The following ZNF569 variants were observed in gnomAD, a reference collection of about 807,000 sequenced individuals.
ZNF569 encodes the protein zinc finger protein 569, also known as DNA-binding protein.
A neutral mutation model predicts 56.3 loss-of-function variants in ZNF569; 38 were observed. The ratio of observed to expected loss-of-function variants is 0.68; its 90% CI spans 0.52 to 0.88. The LOEUF (loss-of-function observed/expected upper bound fraction) is 0.88, where lower values mean the gene tolerates loss of function less well. Ranked by LOEUF, ZNF569 falls within the 40% of genes least tolerant of loss-of-function variation. ZNF569 has a pLI of 0.00. For synonymous variants in ZNF569, 241 were observed against 262.9 expected, an observed-to-expected ratio of 0.92 and a Z score of 0.81; for missense variants, 666 against 809.2, an observed-to-expected ratio of 0.82 and a Z score of 2.15.
intron 5 of ZNF569, among the ~76,000 whole-genome samples, chr19:37,421,062 G>A (rs901554601): frequency 6.6e-6 from 1 of 152,108 alleles, no homozygotes; most frequent in Non-Finnish European, 1.5e-5. Flanking sequence ...TTTTTCTCGT[G>A]AGCAGTAGGT....
intron 3 of ZNF569, 62 bp downstream of exon 3, chr19:37,444,845 G>T: frequency 1.5e-6 from 2 of 1,318,408 alleles, no homozygotes; most frequent in Non-Finnish European, 2.2e-6. Context: ...ATGAATTACT[G>T]CAATCCCCTT....
intron 2 of ZNF569, among the ~76,000 whole-genome samples, chr19:37,460,410 T>C (rs1406622107): frequency 6.6e-6 from 1 of 152,186 alleles, no homozygotes; most frequent in Non-Finnish European, 1.5e-5. Context: ...CCCAAAGTGC[T>C]GGGATTACAC....
intron 2 of ZNF569, among the ~76,000 whole-genome samples, chr19:37,451,429 A>G (rs1287634355): frequency 1.3e-5 from 2 of 150,256 alleles, no homozygotes; most frequent in African/African-American, 2.4e-5. Context: ...AGTTCTGTAT[A>G]TGTCTCTCAG....
At chr19:37,454,874 A>G in intron 2 of ZNF569, 1 of 702,612 alleles carries the variant, frequency 1.4e-6, no homozygotes, top group Non-Finnish European at 2.6e-6. Context: ...CCAGGTAAGT[A>G]AAGCTTGAGT....
intron 3 of ZNF569, among the ~76,000 whole-genome samples, chr19:37,442,527 C>T (rs1020671276): frequency 2.6e-5 from 4 of 152,094 alleles, no homozygotes; most frequent in Non-Finnish European, 5.9e-5. Flanking sequence ...AGGAAAGACA[C>T]TAGATGGTAT....
chr19:37,431,321 G>C (rs1051130894), intron 3 of ZNF569, among the ~76,000 whole-genome samples: 5 of 152,120 alleles, frequency 3.3e-5, no homozygotes, highest in Non-Finnish European at 5.9e-5. Context: ...AGAAGGAAGA[G>C]TAAAGAGGAC....
intron 3 of ZNF569, among the ~76,000 whole-genome samples, chr19:37,429,574 G>A (rs1169342835): frequency 1.3e-5 from 2 of 152,208 alleles, no homozygotes; most frequent in Non-Finnish European, 2.9e-5. Context: ...GATGGTGCTC[G>A]AATCCTCTTT....
chr19:37,429,414 C>G, intron 3 of ZNF569, among the ~76,000 whole-genome samples: 1 of 152,210 alleles, frequency 6.6e-6, no homozygotes, highest in East Asian at 1.9e-4. Context: ...AGCTACAGGA[C>G]CAGCCTTGAA....
chr19:37,435,000 C>T (rs887870987), intron 3 of ZNF569, among the ~76,000 whole-genome samples: 2 of 152,146 alleles, frequency 1.3e-5, no homozygotes, highest in Admixed American at 6.5e-5. Context: ...TCTCTTCACA[C>T]GTGCGCGTGT....
intron 3 of ZNF569, among the ~76,000 whole-genome samples, chr19:37,441,103 G>T (rs1434927864): frequency 6.6e-6 from 1 of 152,112 alleles, no homozygotes; most frequent in Non-Finnish European, 1.5e-5. Context: ...ATTGAAAAAG[G>T]AAAGACAGAG....
At chr19:37,422,950 A>G (rs967533649) in intron 5 of ZNF569, among the ~76,000 whole-genome samples, 1 of 152,208 alleles carries the variant, frequency 6.6e-6, no homozygotes, top group Non-Finnish European at 1.5e-5. Flanking sequence ...ATAGGAAAAC[A>G]AGCAACTGTT....
At chr19:37,427,054 A>C (rs919309321) in intron 3 of ZNF569, among the ~76,000 whole-genome samples, 2 of 152,236 alleles carry the variant, frequency 1.3e-5, no homozygotes, top group African/African-American at 4.8e-5. Context: ...TACATGGCTC[A>C]TGCCTGTAAT....
chr19:37,437,188 A>G lies in ZNF569; in HGVS notation c.15+7719T>C, dbSNP rs1407752886. Among the ~76,000 whole-genome samples the G allele has an allele frequency of 3.3e-5, 5 of 152,204 alleles. No homozygotes were observed. The East Asian group carries it at 9.6e-4, about 29-fold the overall frequency. On this transcript the variant is annotated intron_variant, in intron 3 of 5. Coordinates refer to ENST00000316950, the MANE Select transcript of ZNF569 (RefSeq NM_152484.3). ...AAGGACGGTTAAACATGCGCAAATG[A>G]ATCAATGTGATATATCAGATCAAGA...
intron 2 of ZNF569, among the ~76,000 whole-genome samples, chr19:37,450,744 T>C (rs2041578602): frequency 6.6e-6 from 1 of 152,204 alleles, no homozygotes; most frequent in South Asian, 2.1e-4. Flanking sequence ...TTTCTTCTTT[T>C]ATCAGGTAAG....
chr19:37,464,382 G>C (rs1052721727), intron 2 of ZNF569, among the ~76,000 whole-genome samples: 2 of 152,078 alleles, frequency 1.3e-5, no homozygotes, highest in African/African-American at 2.4e-5. Flanking sequence ...GTAGAGATGG[G>C]GTTTCACCGT....
intron 2 of ZNF569, among the ~76,000 whole-genome samples, chr19:37,460,699 G>A (rs551408982): frequency 2.6e-5 from 4 of 151,806 alleles, no homozygotes; most frequent in African/African-American, 9.7e-5. Flanking sequence ...AAGCTGCAGT[G>A]TGCCATGACT....
Position 37,413,499 on chromosome 19 carries a change from A to T in ZNF569, c.1159T>A (p.Cys387Ser). 3.7e-6 allele frequency: 6 copies of T among 1,613,450 alleles called. No homozygotes were observed. Among genetic ancestry groups the T allele is most frequent in the Non-Finnish European group, 5.1e-6 (6 of 1,179,796 alleles). ...TGEKPYECNE[C>S]GKAFSQSSAL... Reference sequence around the variant, plus strand: ...GAGCTTTGAGAGAAGGCTTTTCCACACTCATTACATTCATAGGGTTTTTCA... The same window carrying T: ...GAGCTTTGAGAGAAGGCTTTTCCACTCTCATTACATTCATAGGGTTTTTCA... The change falls in exon 6 of 6, where the codon TGT becomes AGT. Residue 387 changes from cysteine to serine, a missense_variant. Coordinates refer to ENST00000316950, the MANE Select transcript of ZNF569 (RefSeq NM_152484.3).
At chr19:37,415,466 G>T (rs1010477639) in intron 5 of ZNF569, among the ~76,000 whole-genome samples, 1 of 151,978 alleles carries the variant, frequency 6.6e-6, no homozygotes, top group African/African-American at 2.4e-5. Flanking sequence ...TTACTTAATG[G>T]AAAACATCCA....
chr19:37,462,135 T>C (rs559701701), intron 2 of ZNF569, among the ~76,000 whole-genome samples: 1 of 152,254 alleles, frequency 6.6e-6, no homozygotes, highest in African/African-American at 2.4e-5. Flanking sequence ...AAAACAATCA[T>C]AAGAGAAGGT....
Sources: gnomAD v4.1 joint callset for allele counts (sites outside exome capture counted in the v4.1 genomes callset) on GRCh38, gnomAD v4.1.1 for gene constraint, MANE v1.5 for transcripts, NCBI Gene and HGNC (gene_info 2026-07-23, HGNC 2026-07-21) for gene names.